Variants in UNC45B observed in about 807,000 individuals in gnomAD.
UNC45B encodes unc-45 myosin chaperone B, also known as protein unc-45 homolog B.
In UNC45B, 78 loss-of-function variants were observed where a neutral mutation model predicts 98.7. The observed-to-expected ratio is 0.79, with a 90% CI of 0.66 to 0.95. The LOEUF (loss-of-function observed/expected upper bound fraction) is 0.95, where lower values mean the gene tolerates loss of function less well. UNC45B is among the 40% of genes least tolerant of loss of function. The pLI, the probability that UNC45B is intolerant of heterozygous loss-of-function variation, is 0.00. For missense variants in UNC45B, 1,225 were observed against 1,184.9 expected (o/e 1.03, Z -0.50); for synonymous variants, 462 against 480.4 (o/e 0.96, Z 0.50).
At chr17:35,178,411 T>A (rs1165494278) in intron 17 of UNC45B, among the ~76,000 whole-genome samples, 1 of 152,252 alleles carries the variant, frequency 6.6e-6, no homozygotes, top group Admixed American at 6.5e-5. Context: ...TAAATTTGTT[T>A]AAGTTCTTTG....
chr17:35,168,375 G>C lies in UNC45B; in HGVS notation c.1452+14G>C. On this transcript the variant is annotated intron_variant, in intron 10 of 19. Coordinates refer to ENST00000394570, the MANE Select transcript of UNC45B (RefSeq NM_001267052.2). ...CGCACACTGGTGGTGAGTGGGCTCG[G>C]TACCACCCTCCTACTCAGTACAAGG... The C allele has an allele frequency of 7.5e-7, 1 of 1,332,338 alleles. No homozygotes were observed. The highest frequency in any genetic ancestry group is 9.7e-7 in the Non-Finnish European group (1 of 1,032,126). The allele number at this position is 1,332,338 out of a possible 1,614,324, so 82.5% of individuals were successfully genotyped here.
chr17:35,150,337 C>A, intron 4 of UNC45B, 114 bp downstream of exon 4: 1 of 1,175,820 alleles, frequency 8.5e-7, no homozygotes, highest in African/African-American at 1.5e-5. Flanking sequence ...CCTCCACACT[C>A]TGAGATAGAG....
At chr17:35,155,983 A>G (rs993082152) in intron 7 of UNC45B, among the ~76,000 whole-genome samples, 2 of 152,262 alleles carry the variant, frequency 1.3e-5, no homozygotes, top group Non-Finnish European at 2.9e-5. Context: ...TGAGCAAAAT[A>G]TGGTATATAC....
intron 8 of UNC45B, among the ~76,000 whole-genome samples, chr17:35,161,027 T>C (rs908228154): frequency 2.6e-5 from 4 of 152,246 alleles, no homozygotes; most frequent in African/African-American, 9.6e-5. Flanking sequence ...GCTTAGACTT[T>C]AACACATTAC....
intron 12 of UNC45B, 136 bp downstream of exon 12, chr17:35,170,391 CT>C: frequency 9.1e-7 from 1 of 1,100,818 alleles, no homozygotes; most frequent in Non-Finnish European, 1.2e-6. Flanking sequence ...TTATTTCCCC[CT>C]TTCTGGCCCT....
chr17:35,185,294 T>A (rs2092297068), intron 19 of UNC45B, among the ~76,000 whole-genome samples: 1 of 144,620 alleles, frequency 6.9e-6, no homozygotes, highest in Non-Finnish European at 1.5e-5. Flanking sequence ...TTGGTGTTTT[T>A]TTTTAATTTA....
intron 14 of UNC45B, among the ~76,000 whole-genome samples, chr17:35,175,075 GAA>G (rs925172163): frequency 4.0e-4 from 46 of 115,062 alleles, no homozygotes; most frequent in Admixed American, 3.4e-3. Flanking sequence ...AAGAAAGAAA[GAA>G]AGAAAGAAAG....
intron 3 of UNC45B, 23 bp from the exon 4 acceptor site, chr17:35,150,025 C>T: frequency 1.3e-6 from 2 of 1,569,164 alleles, no homozygotes; most frequent in Non-Finnish European, 1.7e-6. Flanking sequence ...CTAAGGTCCT[C>T]ATCCCCCGTC....
chr17:35,157,390 C>T (rs140859765), intron 7 of UNC45B, among the ~76,000 whole-genome samples: 2,572 of 152,004 alleles, frequency 0.017, 79 homozygotes, highest in African/African-American at 0.059. Flanking sequence ...TTAGTAGAGA[C>T]GGGGTTTTAC....
At chr17:35,149,037 C>T (rs1191592973) in intron 3 of UNC45B, 28 bp downstream of exon 3, 3 of 1,613,854 alleles carry the variant, frequency 1.9e-6, no homozygotes, top group Admixed American at 1.7e-5. Flanking sequence ...CCAAGCTTGC[C>T]CTGTCACATT....
chr17:35,177,624 G>A lies in UNC45B; in HGVS notation c.2255+14G>A. ...TGACAAACTCCGGTGAGTGTGGTGA[G>A]TGTGGCAGGGGTGGAGAGAGGTGGC... On this transcript the variant is annotated intron_variant, in intron 17 of 19. Coordinates refer to ENST00000394570, the MANE Select transcript of UNC45B (RefSeq NM_001267052.2). The A allele has an allele frequency of 6.5e-7, 1 of 1,539,184 alleles. No homozygotes were observed. The highest frequency in any genetic ancestry group is 8.8e-7 in the Non-Finnish European group (1 of 1,135,674).
chr17:35,183,740 A>T (rs376127054), intron 19 of UNC45B, among the ~76,000 whole-genome samples, 158 bp downstream of exon 19: 1 of 152,210 alleles, frequency 6.6e-6, no homozygotes, highest in Non-Finnish European at 1.5e-5. Context: ...AGGAGGGTTT[A>T]TTCACTTCAG....
intron 9 of UNC45B, among the ~76,000 whole-genome samples, chr17:35,166,662 T>C (rs1284159079): frequency 6.6e-6 from 1 of 152,164 alleles, no homozygotes; most frequent in East Asian, 1.9e-4. Context: ...AGACCGCAAC[T>C]AATTACGAAG....
chr17:35,155,905 C>T (rs1336821996), intron 7 of UNC45B, among the ~76,000 whole-genome samples: 4 of 152,186 alleles, frequency 2.6e-5, no homozygotes, highest in Non-Finnish European at 5.9e-5. Flanking sequence ...AAGTAACAGG[C>T]ATAGCTGCAG....
intron 17 of UNC45B, among the ~76,000 whole-genome samples, chr17:35,180,289 A>AGAG (rs57021893): frequency 3.4e-5 from 5 of 147,172 alleles, no homozygotes; most frequent in South Asian, 2.2e-4. Flanking sequence ...AGAGAGAGAG[A>AGAG]ATTTCTTTAC....
chr17:35,183,416 G>A lies in UNC45B; in HGVS notation c.2374-11G>A. On this transcript the variant is annotated splice_polypyrimidine_tract_variant and intron_variant, in intron 18 of 19. Coordinates refer to ENST00000394570, the MANE Select transcript of UNC45B (RefSeq NM_001267052.2). ...ACAGTTTTCTCTGAGCCATGTTCCT[G>A]CCTCCCACAGGTACAGGAAAGGTTC... is the stretch of plus-strand genomic sequence containing the variant. 1.3e-6 allele frequency: 2 copies of A among 1,537,288 alleles called. No homozygotes were observed. Among genetic ancestry groups the A allele is most frequent in the Admixed American group, 2.0e-5 (1 of 48,968 alleles).
rs2092319231 is a variant in UNC45B, at chr17:35,189,113, T to TAGTTTCCCA, written c.*2556_*2564dup. 6.6e-6 allele frequency: 1 copy of TAGTTTCCCA among 152,210 alleles called. No homozygotes were observed. The highest frequency in any genetic ancestry group is 2.1e-4 in the South Asian group (1 of 4,830). 9.4% of individuals were successfully genotyped at this position (152,210 alleles called of 1,614,324 possible). A position where few individuals can be genotyped will look rare whatever the true frequency, so the allele number is the denominator to read the frequency against. On this transcript the variant is annotated 3_prime_UTR_variant, in exon 20 of 20. Transcript: ENST00000394570. ...ATAAATATCTTAGAGGTATGTTTCT[T>TAGTTTCCCA]AGTTTCCCAACATATAATGGGAAAA... is the stretch of plus-strand genomic sequence containing the variant.
At chr17:35,167,904 G>T (rs1215340714) in intron 9 of UNC45B, among the ~76,000 whole-genome samples, 157 bp from the exon 10 acceptor site, 3 of 152,158 alleles carry the variant, frequency 2.0e-5, no homozygotes, top group Admixed American at 6.5e-5. Flanking sequence ...CAGTTTACAG[G>T]AGCTGAGGCT....
Position 35,163,989 on chromosome 17 carries a change from C to A in UNC45B, c.980-6C>A. ...AATCTTAGGCTTGCCACTGTCTACC[C>A]TGCAGGTCTGAGGAAGATCCTGAAG... On this transcript the variant is annotated splice_polypyrimidine_tract_variant and splice_region_variant and intron_variant, in intron 8 of 19. Coordinates refer to ENST00000394570, the MANE Select transcript of UNC45B (RefSeq NM_001267052.2). 6.2e-7 allele frequency: 1 copy of A among 1,609,524 alleles called. No individual in the cohort carries two copies.
Sources: allele counts gnomAD v4.1 joint callset (sites outside exome capture counted in the v4.1 genomes callset), GRCh38; gene constraint gnomAD v4.1.1; transcripts MANE v1.5; gene names NCBI Gene and HGNC (gene_info 2026-07-23, HGNC 2026-07-21).